The following SHOC1 variants were observed in gnomAD, a reference collection of about 807,000 sequenced individuals.
SHOC1 encodes the protein protein shortage in chiasmata 1 ortholog.
Under a neutral mutation model 179.2 loss-of-function variants are expected in SHOC1, and 136 were observed. The ratio of observed to expected loss-of-function variants is 0.76; its 90% CI spans 0.66 to 0.87. SHOC1 has a LOEUF of 0.87. Ranked by LOEUF, SHOC1 falls within the 40% of genes least tolerant of loss-of-function variation. The probability of loss-of-function intolerance (pLI) is 0.00; values close to 1 mark genes in which losing one functional copy is unlikely to be tolerated. For synonymous variants in SHOC1, 489 were observed against 586.6 expected (o/e 0.83, Z 2.41); for missense variants, 1,538 against 1,700.8 (o/e 0.90, Z 1.68).
intron 3 of SHOC1, among the ~76,000 whole-genome samples, chr9:111,782,925 C>G (rs1836127223): frequency 6.6e-6 from 1 of 150,946 alleles, no homozygotes; most frequent in African/African-American, 2.4e-5. Flanking sequence ...GCATAAGTAC[C>G]TGCAAACTCT....
chr9:111,696,788 AGAG>A (rs1831715874), intron 24 of SHOC1, among the ~76,000 whole-genome samples: 1 of 152,246 alleles, frequency 6.6e-6, no homozygotes, highest in South Asian at 2.1e-4. Flanking sequence ...TGAGCTGGGA[AGAG>A]AAGAAGCTAA....
chr9:111,698,697 C>A (rs974840791), intron 24 of SHOC1, among the ~76,000 whole-genome samples: 1 of 152,078 alleles, frequency 6.6e-6, no homozygotes, highest in Admixed American at 6.6e-5. Context: ...AGAACTCTGA[C>A]AGCTAGTGGT....
chr9:111,716,366 TTC>T (rs1199348408), intron 16 of SHOC1, among the ~76,000 whole-genome samples: 1 of 150,374 alleles, frequency 6.7e-6, no homozygotes, highest in East Asian at 1.9e-4. Flanking sequence ...TAAATATTAT[TTC>T]TTTCTTTTCT....
intron 10 of SHOC1, among the ~76,000 whole-genome samples, chr9:111,744,660 C>T (rs1239211692): frequency 6.6e-6 from 1 of 152,132 alleles, no homozygotes; most frequent in African/African-American, 2.4e-5. Context: ...TCATTAGAGA[C>T]TTGTAGACTT....
At chr9:111,701,275 G>T (rs1305442794) in intron 23 of SHOC1, among the ~76,000 whole-genome samples, 1 of 152,036 alleles carries the variant, frequency 6.6e-6, no homozygotes, top group Non-Finnish European at 1.5e-5. Context: ...CTTCCTAAAT[G>T]TTCTAATTCT....
At chr9:111,714,680 G>A (rs1429624547) in intron 16 of SHOC1, 57 bp from the exon 17 acceptor site, 7 of 1,450,854 alleles carry the variant, frequency 4.8e-6, no homozygotes, top group Admixed American at 2.4e-5. Context: ...AAGAAACTCC[G>A]TGGTAAAAAA....
At chr9:111,747,436 G>A (rs1387070226) in intron 9 of SHOC1, among the ~76,000 whole-genome samples, 1 of 151,972 alleles carries the variant, frequency 6.6e-6, no homozygotes, top group African/African-American at 2.4e-5. Flanking sequence ...ATGTGACAGT[G>A]GTCAGCAAGA....
intron 16 of SHOC1, among the ~76,000 whole-genome samples, chr9:111,716,235 G>C (rs1832779832): frequency 6.6e-6 from 1 of 151,944 alleles, no homozygotes; most frequent in African/African-American, 2.4e-5. Flanking sequence ...TTTAGTAACT[G>C]CATGTCTTAG....
chr9:111,692,300 A>G lies in SHOC1; in HGVS notation c.3677T>C (p.Ile1226Thr), dbSNP rs1475110. The G allele has an allele frequency of 1, 1,606,702 of 1,613,360 alleles. 800,036 individuals are homozygous for G. The highest frequency in any genetic ancestry group is 1 in the East Asian group (44,836 of 44,836). The change falls in exon 27 of 28, where the codon ATT (isoleucine) becomes ACT (threonine). Residue 1226 changes from isoleucine (I) to threonine (T), a missense_variant. By Grantham distance (89) the Ile-to-Thr change is moderately conservative. Transcript: ENST00000682961. ...GETVQEDKTT[I>T]LNDNSSIMEL... ...CATAATGGAAGAGTTGTCATTCAAA[A>G]TGGTGGTTTTGTCTTCCTGCACTGT... is the stretch of plus-strand genomic sequence containing the variant.
chr9:111,769,975 G>GTTTGTTTTTTTTTTTTTTTTTTTTTT (rs1564161086), intron 5 of SHOC1, among the ~76,000 whole-genome samples: 17 of 87,794 alleles, frequency 1.9e-4, no homozygotes, highest in South Asian at 4.0e-4. Flanking sequence ...TTTATCTTCT[G>GTTTGTTTTTTTTTTTTTTTTTTTTTT]TTTTTTTTTT....
intron 5 of SHOC1, among the ~76,000 whole-genome samples, chr9:111,766,672 C>T (rs771999331): frequency 5.3e-5 from 8 of 152,012 alleles, no homozygotes; most frequent in Admixed American, 3.3e-4. Flanking sequence ...AGTGCAGTGG[C>T]GCAATCTTGG....
intron 3 of SHOC1, among the ~76,000 whole-genome samples, chr9:111,782,837 T>G (rs1836122296): frequency 6.6e-6 from 1 of 152,202 alleles, no homozygotes; most frequent in South Asian, 2.1e-4. Flanking sequence ...CCACTTTCAG[T>G]GTATGATCTT....
chr9:111,708,491 T>C (rs1233674614), intron 18 of SHOC1, among the ~76,000 whole-genome samples: 3 of 152,142 alleles, frequency 2.0e-5, no homozygotes, highest in Admixed American at 6.6e-5. Flanking sequence ...CACGAGCCAC[T>C]GCACCCCATA....
At chr9:111,794,816 C>T (rs999625649) in intron 1 of SHOC1, 84 bp downstream of exon 1, 2 of 152,428 alleles carry the variant, frequency 1.3e-5, no homozygotes, top group Non-Finnish European at 2.9e-5. Flanking sequence ...AGCTGCCATA[C>T]TTCTTTGGTC....
intron 16 of SHOC1, among the ~76,000 whole-genome samples, chr9:111,717,250 G>T (rs1424259163): frequency 6.6e-6 from 1 of 152,088 alleles, no homozygotes; most frequent in Non-Finnish European, 1.5e-5. Flanking sequence ...TTTGAAATAG[G>T]TTCTAGGAAC....
At chr9:111,712,525 A>T (rs1240536758) in intron 18 of SHOC1, among the ~76,000 whole-genome samples, 1 of 152,202 alleles carries the variant, frequency 6.6e-6, no homozygotes, top group Non-Finnish European at 1.5e-5. Context: ...GGCTTCAGTT[A>T]ACACAAAGGA....
chr9:111,773,684 G>A (rs1835712721), intron 5 of SHOC1, among the ~76,000 whole-genome samples: 1 of 152,158 alleles, frequency 6.6e-6, no homozygotes, highest in Non-Finnish European at 1.5e-5. Flanking sequence ...TACCTAGAGA[G>A]ATGCTTAAGA....
chr9:111,686,985 G>A (rs1228679352), intron 27 of SHOC1, 115 bp from the exon 28 acceptor site: 14 of 552,820 alleles, frequency 2.5e-5, no homozygotes, highest in East Asian at 4.1e-5. Context: ...TGCCCTTGTC[G>A]CCCAGGCTGG....
rs1836240898 is a variant in SHOC1, at chr9:111,785,812, G to A, written c.169+100C>T. On this transcript the variant is annotated intron_variant, in intron 3 of 27. Coordinates refer to ENST00000682961, the MANE Select transcript of SHOC1 (RefSeq NM_001378211.1). ...ATTCTGACATGAGTAGATGCAATGA[G>A]TTTTTAATTAGTAAAACATTGCATA... is the stretch of plus-strand genomic sequence containing the variant. 2.9e-6 allele frequency: 3 copies of A among 1,031,458 alleles called. No homozygotes were observed. The East Asian group carries it at 9.6e-5, about 33-fold the overall frequency. The allele number at this position is 1,031,458 out of a possible 1,614,324, so 63.9% of individuals were successfully genotyped here.
Sources: allele counts gnomAD v4.1 joint callset (sites outside exome capture counted in the v4.1 genomes callset), GRCh38; gene constraint gnomAD v4.1.1; transcripts MANE v1.5; gene names NCBI Gene and HGNC (gene_info 2026-07-23, HGNC 2026-07-21).